SLC5A1: variants seen among roughly 807,000 people sequenced by gnomAD.
SLC5A1 encodes the protein solute carrier family 5 member 1.
In SLC5A1, 42 loss-of-function variants were observed where a neutral mutation model predicts 73.5. The ratio of observed to expected loss-of-function variants is 0.57; its 90% CI spans 0.45 to 0.74. The LOEUF (loss-of-function observed/expected upper bound fraction) is 0.74, where lower values mean the gene tolerates loss of function less well. SLC5A1 is among the 30% of genes least tolerant of loss of function. The pLI is 0.00. For synonymous variants in SLC5A1, 300 were observed against 317.4 expected (o/e 0.95, Z 0.58); for missense variants, 634 against 855.4 (o/e 0.74, Z 3.23).
At chr22:32,065,221 A>G (rs939013017) in intron 2 of SLC5A1, among the ~76,000 whole-genome samples, 1 of 152,192 alleles carries the variant, frequency 6.6e-6, no homozygotes, top group Non-Finnish European at 1.5e-5. Context: ...TACTGGGATT[A>G]GAAGCATGAG....
intron 2 of SLC5A1, among the ~76,000 whole-genome samples, chr22:32,055,953 T>G (rs1397064783): frequency 6.6e-6 from 1 of 152,142 alleles, no homozygotes; most frequent in Non-Finnish European, 1.5e-5. Context: ...ATGCAAAATT[T>G]CTAGCCTCAA....
intron 11 of SLC5A1, among the ~76,000 whole-genome samples, chr22:32,094,655 T>C (rs984102528): frequency 2.0e-5 from 3 of 152,214 alleles, no homozygotes; most frequent in Non-Finnish European, 2.9e-5. Context: ...CCTTGAATTA[T>C]CTTTTGTATT....
chr22:32,086,356 A>C, intron 10 of SLC5A1, 29 bp downstream of exon 10: 1 of 1,490,272 alleles, frequency 6.7e-7, no homozygotes, highest in Non-Finnish European at 9.4e-7. Flanking sequence ...AGGTTGGTAG[A>C]GTCTTTCTTG....
chr22:32,090,914 T>A (rs1449610411), intron 10 of SLC5A1, among the ~76,000 whole-genome samples: 2 of 152,144 alleles, frequency 1.3e-5, no homozygotes, highest in Non-Finnish European at 2.9e-5. Flanking sequence ...TTCTGTTTTT[T>A]AAAAATTTAT....
chr22:32,063,694 A>T (rs2093967447), intron 2 of SLC5A1, among the ~76,000 whole-genome samples: 1 of 152,068 alleles, frequency 6.6e-6, no homozygotes, highest in African/African-American at 2.4e-5. Flanking sequence ...GATGGAAAGG[A>T]GAGAATAGAG....
chr22:32,073,012 C>T (rs1177415696), intron 5 of SLC5A1, among the ~76,000 whole-genome samples: 1 of 152,000 alleles, frequency 6.6e-6, no homozygotes. Flanking sequence ...TGATAATGTC[C>T]TCTGATGCAC....
At chr22:32,072,889 T>C (rs984804396) in intron 5 of SLC5A1, among the ~76,000 whole-genome samples, 7 of 152,230 alleles carry the variant, frequency 4.6e-5, no homozygotes, top group African/African-American at 1.7e-4. Context: ...GTTATGTGTC[T>C]ATTTCTTGAT....
chr22:32,082,717 C>A (rs1315987819), intron 6 of SLC5A1, among the ~76,000 whole-genome samples: 1 of 152,172 alleles, frequency 6.6e-6, no homozygotes, highest in Non-Finnish European at 1.5e-5. Flanking sequence ...TATGTCCCAC[C>A]ATCTCCACAG....
At chr22:32,068,662 C>A in intron 5 of SLC5A1, 62 bp downstream of exon 5, 1 of 1,125,540 alleles carries the variant, frequency 8.9e-7, no homozygotes, top group Non-Finnish European at 1.3e-6. Flanking sequence ...TTCCTCATCA[C>A]ATGCTGCCCA....
chr22:32,085,400 A>T (rs1162165976), intron 9 of SLC5A1, among the ~76,000 whole-genome samples: 6 of 152,058 alleles, frequency 3.9e-5, no homozygotes. Context: ...TGCTGGGATT[A>T]TAGGCATAAG....
At chr22:32,100,592 T>G (rs988882007) in intron 12 of SLC5A1, among the ~76,000 whole-genome samples, 1 of 152,120 alleles carries the variant, frequency 6.6e-6, no homozygotes, top group Non-Finnish European at 1.5e-5. Context: ...ATTTATTGAT[T>G]TTTTTTGAGA....
intron 3 of SLC5A1, 129 bp downstream of exon 3, chr22:32,067,168 G>A (rs575522583): frequency 1.4e-5 from 10 of 722,420 alleles, no homozygotes; most frequent in Non-Finnish European, 2.4e-5. Flanking sequence ...TGCAGACAGA[G>A]GAGGGGCATG....
chr22:32,105,908 A>T lies in SLC5A1; in HGVS notation c.1771+1017A>T, dbSNP rs994480437. Among the ~76,000 whole-genome samples, 6 of 152,204 alleles carry T rather than the reference A, an allele frequency of 3.9e-5. No homozygotes were observed. In the East Asian group the frequency reaches 1.2e-3, roughly 29 times the overall value. On this transcript the variant is annotated intron_variant, in intron 14 of 14. Transcript: ENST00000266088. ...AGTTCCATCCATGTTGTTGCAAATGACAGGGTCTCATTCTTTCTTTATGGC... is the reference window on the plus strand; with the variant it reads ...AGTTCCATCCATGTTGTTGCAAATGTCAGGGTCTCATTCTTTCTTTATGGC...
intron 14 of SLC5A1, among the ~76,000 whole-genome samples, chr22:32,107,438 G>A (rs1386539108): frequency 6.6e-6 from 1 of 152,150 alleles, no homozygotes; most frequent in Non-Finnish European, 1.5e-5. Context: ...GAAGAACTGG[G>A]ATTTAATCAT....
At chr22:32,059,363 G>A in intron 2 of SLC5A1, 2 of 985,010 alleles carry the variant, frequency 2.0e-6, no homozygotes, top group Non-Finnish European at 2.4e-6. Flanking sequence ...TTGGAGGATG[G>A]AGATCGGCTC....
chr22:32,106,096 A>T (rs2094045201), intron 14 of SLC5A1, among the ~76,000 whole-genome samples: 1 of 152,232 alleles, frequency 6.6e-6, no homozygotes, highest in Non-Finnish European at 1.5e-5. Context: ...TTTTGGGCAT[A>T]TACCCAGCAG....
chr22:32,106,861 T>A (rs1382883648), intron 14 of SLC5A1, among the ~76,000 whole-genome samples: 1 of 152,164 alleles, frequency 6.6e-6, no homozygotes, highest in African/African-American at 2.4e-5. Flanking sequence ...GGAGGCCTCA[T>A]ATCACTCCAT....
Position 32,102,158 on chromosome 22 carries a change from T to C in SLC5A1, c.1586T>C (p.Phe529Ser). ...ATCTGTGGGGTGCACTACTTGTACT[T>C]TGCCATTATCCTCTTCGCCATTTCT... ...TIICGVHYLY[F>S]AIILFAISFI... The change falls in exon 13 of 15, where the codon TTT (phenylalanine) becomes TCT (serine). Residue 529 changes from phenylalanine to serine, a missense_variant. Coordinates refer to ENST00000266088, the MANE Select transcript of SLC5A1 (RefSeq NM_000343.4). 6.2e-7 allele frequency: 1 copy of C among 1,614,122 alleles called. No homozygotes were observed. The highest frequency in any genetic ancestry group is 1.3e-5 in the African/African-American group (1 of 75,014).
At chr22:32,079,727 G>A (rs1177877653) in intron 5 of SLC5A1, among the ~76,000 whole-genome samples, 3 of 152,202 alleles carry the variant, frequency 2.0e-5, no homozygotes, top group Admixed American at 6.5e-5. Context: ...TGCAATCAGT[G>A]AATGGGGCCC....
Sources: allele counts gnomAD v4.1 joint callset (sites outside exome capture counted in the v4.1 genomes callset), GRCh38; gene constraint gnomAD v4.1.1; transcripts MANE v1.5; gene names NCBI Gene and HGNC (gene_info 2026-07-23, HGNC 2026-07-21).